Variants in KLF12 observed in about 807,000 individuals in gnomAD.
The protein encoded by KLF12 is Krueppel-like factor 12.
KLF12 carries 9 observed loss-of-function variants against 37.8 expected under a neutral mutation model. The ratio of observed to expected loss-of-function variants is 0.24; its 90% CI spans 0.14 to 0.42. KLF12 has a LOEUF of 0.42. Ranked by LOEUF, KLF12 falls within the 10% of genes least tolerant of loss-of-function variation. The probability of loss-of-function intolerance (pLI) is 1.00; values close to 1 mark genes in which losing one functional copy is unlikely to be tolerated. For missense variants in KLF12, 411 were observed against 516.0 expected (o/e 0.80, Z 1.97); for synonymous variants, 208 against 202.1 (o/e 1.03, Z -0.25).
intron 4 of KLF12, among the ~76,000 whole-genome samples, chr13:73,840,479 AAC>A (rs979516320): frequency 6.6e-6 from 1 of 152,162 alleles, no homozygotes. Context: ...TATCAAATTT[AAC>A]ACGTCCCAAA....
At chr13:74,232,882 T>TTTA in the KLF12 span, among the ~76,000 whole-genome samples, 5,108 of 132,622 alleles carry the variant, frequency 0.039, 119 homozygotes, top group Middle Eastern at 0.077. Flanking sequence ...ATCTTATTTA[T>TTTA]TTATTATTAT....
At chr13:74,295,724 A>G in the KLF12 span, among the ~76,000 whole-genome samples, 26 of 152,202 alleles carry the variant, frequency 1.7e-4, no homozygotes, top group Non-Finnish European at 3.1e-4. Flanking sequence ...TCTAGAAATG[A>G]TATATAGAGA....
chr13:74,168,220 T>C, the KLF12 span, among the ~76,000 whole-genome samples: 1 of 152,226 alleles, frequency 6.6e-6, no homozygotes, highest in Non-Finnish European at 1.5e-5. Context: ...TTAAATGGTA[T>C]CTGTGAGCCA....
intron 3 of KLF12, among the ~76,000 whole-genome samples, chr13:73,865,178 AATC>A (rs1886111307): frequency 6.6e-6 from 1 of 152,118 alleles, no homozygotes; most frequent in African/African-American, 2.4e-5. Context: ...GTAGCTCTAT[AATC>A]ACATTATCTC....
chr13:73,713,170 G>C (rs1304446300), intron 7 of KLF12, among the ~76,000 whole-genome samples: 1 of 152,194 alleles, frequency 6.6e-6, no homozygotes, highest in Non-Finnish European at 1.5e-5. Flanking sequence ...TCATGACAGT[G>C]TTGAGAGGAA....
At chr13:74,023,988 G>C (rs1415650576) in intron 1 of KLF12, among the ~76,000 whole-genome samples, 1 of 152,200 alleles carries the variant, frequency 6.6e-6, no homozygotes, top group African/African-American at 2.4e-5. Flanking sequence ...ATCACCACCA[G>C]TGCACTGGAG....
At chr13:74,072,391 AT>A (rs1474095901) in intron 1 of KLF12, among the ~76,000 whole-genome samples, 4 of 133,780 alleles carry the variant, frequency 3.0e-5, no homozygotes, top group African/African-American at 8.0e-5. Flanking sequence ...ATATATATAT[AT>A]ATATATATAT....
the KLF12 span, among the ~76,000 whole-genome samples, chr13:74,260,618 TAAAATAA>T: frequency 3.1e-4 from 35 of 111,472 alleles, 1 homozygote; most frequent in African/African-American, 1.9e-3. Flanking sequence ...TAAAATAAAA[TAAAATAA>T]AATAGTGAAT....
In KLF12 at chr13:74,123,109, T is replaced by C. The variant is rs184110905; in HGVS notation, c.-32+10630A>G. 2.5e-3 allele frequency among the ~76,000 whole-genome samples: 373 copies of C among 152,210 alleles called. 3 individuals are homozygous for C. The highest frequency in any genetic ancestry group is 5.1e-4 in the Non-Finnish European group (35 of 67,984). On this transcript the variant is annotated intron_variant, in intron 1 of 7. Coordinates refer to ENST00000377669, the MANE Select transcript of KLF12 (RefSeq NM_007249.5). The stretch of plus-strand genomic sequence containing the variant: ...TCTAACGATCTTCAGTTGTGTTTCT[T>C]TGAAAACTTAAAGAGTCACAGAAAT...
chr13:73,719,962 T>C (rs1876114292), intron 6 of KLF12, among the ~76,000 whole-genome samples: 1 of 152,116 alleles, frequency 6.6e-6, no homozygotes, highest in Admixed American at 6.5e-5. Context: ...GGGTAACCAT[T>C]AAAAACACAT....
the KLF12 span, among the ~76,000 whole-genome samples, chr13:74,145,537 A>G: frequency 0.29 from 43,576 of 152,002 alleles, 7,130 homozygotes; most frequent in Non-Finnish European, 0.36. Context: ...GCGTAACTCT[A>G]TCTCTTTTTG....
chr13:74,044,773 A>G (rs1246876138), intron 1 of KLF12, among the ~76,000 whole-genome samples: 2 of 151,594 alleles, frequency 1.3e-5, no homozygotes, highest in Non-Finnish European at 2.9e-5. Flanking sequence ...TGAACCCGGG[A>G]GGCAGAGGTT....
chr13:74,006,409 T>C (rs947691368), intron 1 of KLF12, among the ~76,000 whole-genome samples: 2 of 152,176 alleles, frequency 1.3e-5, no homozygotes, highest in Non-Finnish European at 2.9e-5. Flanking sequence ...TTAGTGTCGA[T>C]TACCACCACC....
chr13:74,092,849 C>A (rs1255608228), intron 1 of KLF12, among the ~76,000 whole-genome samples: 4 of 152,122 alleles, frequency 2.6e-5, no homozygotes, highest in Non-Finnish European at 4.4e-5. Flanking sequence ...TGCTCAACAT[C>A]GTTAGTTATC....
chr13:73,839,306 T>A (rs899498487), intron 4 of KLF12, among the ~76,000 whole-genome samples: 4 of 151,312 alleles, frequency 2.6e-5, no homozygotes, highest in Non-Finnish European at 5.9e-5. Flanking sequence ...TTTCACCATG[T>A]TTCCCAGGCT....
At chr13:73,905,922 C>T (rs1181237254) in intron 3 of KLF12, among the ~76,000 whole-genome samples, 2 of 152,084 alleles carry the variant, frequency 1.3e-5, no homozygotes. Flanking sequence ...CTTCTCCATG[C>T]CTGTGTTGTA....
chr13:73,948,232 T>C (rs1028900865), intron 2 of KLF12, among the ~76,000 whole-genome samples: 23 of 152,112 alleles, frequency 1.5e-4, no homozygotes, highest in African/African-American at 5.6e-4. Flanking sequence ...CAGATTCTTT[T>C]TTTTTTTGAG....
the KLF12 span, among the ~76,000 whole-genome samples, chr13:74,226,044 T>A: frequency 2.0e-5 from 3 of 152,176 alleles, no homozygotes; most frequent in Non-Finnish European, 4.4e-5. Context: ...GTTTGAGTTT[T>A]GTTTTCCAGG....
chr13:73,726,199 ATTAGT>A (rs1319327566), intron 6 of KLF12, among the ~76,000 whole-genome samples: 1 of 152,162 alleles, frequency 6.6e-6, no homozygotes, highest in African/African-American at 2.4e-5. Flanking sequence ...TTTCATGAAA[ATTAGT>A]TTAGAGTAAG....
Sources: allele counts gnomAD v4.1 joint callset (sites outside exome capture counted in the v4.1 genomes callset), GRCh38; gene constraint gnomAD v4.1.1; transcripts MANE v1.5; gene names NCBI Gene and HGNC (gene_info 2026-07-23, HGNC 2026-07-21).